Variants in SESTD1 observed in about 807,000 individuals in gnomAD.
SESTD1 encodes the protein SEC14 domain and spectrin repeat-containing protein 1.
Under a neutral mutation model 101.7 loss-of-function variants are expected in SESTD1, and 43 were observed. The ratio of observed to expected loss-of-function variants is 0.42; its 90% CI spans 0.33 to 0.55. The LOEUF is 0.55. Ranked by LOEUF, SESTD1 falls within the 20% of genes least tolerant of loss-of-function variation. The pLI, the probability that SESTD1 is intolerant of heterozygous loss-of-function variation, is 0.07. For synonymous variants in SESTD1, 283 were observed against 286.8 expected (o/e 0.99, Z 0.13); for missense variants, 647 against 815.1 (o/e 0.79, Z 2.51).
Position 179,226,680 on chromosome 2 carries a change from A to C in SESTD1, c.-25-34814T>G, listed in dbSNP as rs986485448. On this transcript the variant is annotated intron_variant, in intron 1 of 17. Transcript: ENST00000428443. ...ATTCCAAAGATTTTGGGCATGATGC[A>C]TATTAACACTAAAGAGCATACCCAA... Among the ~76,000 whole-genome samples, 3 of 152,338 alleles carry C rather than the reference A, an allele frequency of 2.0e-5. 1 individual carries two copies. In the South Asian group the frequency reaches 6.2e-4, roughly 32 times the overall value.
rs529646450 is a variant in SESTD1, at chr2:179,173,627, G to C, written c.256-1394C>G. 2.6e-5 allele frequency among the ~76,000 whole-genome samples: 4 copies of C among 152,278 alleles called. No individual in the cohort carries two copies. The South Asian group carries it at 8.3e-4, about 32-fold the overall frequency. Reference sequence around the variant, plus strand: ...AGTTAAAAAGTCATTGAGCTGAATAGAAACCACCTCTGTCTGACTCTAAAG... The same window carrying C: ...AGTTAAAAAGTCATTGAGCTGAATACAAACCACCTCTGTCTGACTCTAAAG... On this transcript the variant is annotated intron_variant, in intron 4 of 17. Coordinates refer to ENST00000428443, the MANE Select transcript of SESTD1 (RefSeq NM_178123.5).
At position 179,201,281 on chromosome 2, in the gene SESTD1, T is replaced by C. The variant is rs1490784272; in HGVS notation, c.-25-9415A>G. Among the ~76,000 whole-genome samples, 10 of 130,186 alleles carry C rather than the reference T, an allele frequency of 7.7e-5. 2 individuals carry two copies. In the East Asian group the frequency reaches 1.4e-3, roughly 18 times the overall value. 85.4% of individuals were successfully genotyped at this position (130,186 alleles called of 152,430 possible). The stretch of plus-strand genomic sequence containing the variant: ...TAAAAAGTCAGGAAACAACAGGTGC[T>C]GGAGAGGATGTGGAGAAATAGGAAC... On this transcript the variant is annotated intron_variant, in intron 1 of 17. Coordinates refer to ENST00000428443, the MANE Select transcript of SESTD1 (RefSeq NM_178123.5).
chr2:179,245,254 C>T (rs79691789), intron 1 of SESTD1, among the ~76,000 whole-genome samples: 7 of 152,104 alleles, frequency 4.6e-5, no homozygotes, highest in Admixed American at 1.3e-4. Flanking sequence ...CGTTGGCTCA[C>T]GCCTGTAATC....
chr2:179,224,054 ATAT>A (rs1200047976), intron 1 of SESTD1, among the ~76,000 whole-genome samples: 18 of 152,326 alleles, frequency 1.2e-4, no homozygotes, highest in African/African-American at 4.3e-4. Context: ...GATTAAAATG[ATAT>A]TATTTTGTAT....
intron 5 of SESTD1, among the ~76,000 whole-genome samples, chr2:179,155,632 G>C (rs549715495): frequency 6.6e-6 from 1 of 151,714 alleles, no homozygotes; most frequent in Non-Finnish European, 1.5e-5. Flanking sequence ...AAAACAAAAC[G>C]TAAGGATGGT....
At chr2:179,130,442 A>G (rs958784596) in intron 10 of SESTD1, among the ~76,000 whole-genome samples, 2 of 152,152 alleles carry the variant, frequency 1.3e-5, no homozygotes, top group Non-Finnish European at 2.9e-5. Context: ...TGAAAACCTT[A>G]TAAATATATT....
chr2:179,150,671 T>A (rs1406790314), intron 6 of SESTD1, among the ~76,000 whole-genome samples: 7 of 151,972 alleles, frequency 4.6e-5, no homozygotes, highest in African/African-American at 1.7e-4. Context: ...AATACAAAAA[T>A]TAGCTGGGCG....
intron 5 of SESTD1, among the ~76,000 whole-genome samples, chr2:179,158,464 A>G (rs1406703614): frequency 1.3e-5 from 2 of 152,208 alleles, no homozygotes; most frequent in African/African-American, 4.8e-5. Context: ...TAACAGTTAC[A>G]TACAACGGAA....
intron 1 of SESTD1, among the ~76,000 whole-genome samples, chr2:179,240,889 C>T (rs1020855115): frequency 1.3e-5 from 2 of 151,934 alleles, no homozygotes; most frequent in South Asian, 4.2e-4. Context: ...CCACAAGGGG[C>T]GCTGTTAGAA....
chr2:179,236,808 T>C (rs1264274375), intron 1 of SESTD1, among the ~76,000 whole-genome samples: 2 of 151,182 alleles, frequency 1.3e-5, no homozygotes, highest in Admixed American at 1.3e-4. Context: ...GAACACTTTG[T>C]GGTTCACAGG....
At chr2:179,120,454 A>G (rs1377386960) in intron 13 of SESTD1, among the ~76,000 whole-genome samples, 1 of 152,182 alleles carries the variant, frequency 6.6e-6, no homozygotes, top group Admixed American at 6.5e-5. Context: ...GGGAGAATAT[A>G]TAAAGAAGGG....
chr2:179,207,488 C>A (rs1453856036), intron 1 of SESTD1, among the ~76,000 whole-genome samples: 1 of 135,212 alleles, frequency 7.4e-6, no homozygotes. Flanking sequence ...ACCTTATTTA[C>A]TCCCCTGCCA....
chr2:179,101,805 T>C lies in SESTD1; in HGVS notation c.*8094A>G, dbSNP rs1364646923. 1.3e-5 allele frequency: 2 copies of C among 152,194 alleles called. No homozygotes were observed. Among genetic ancestry groups the C allele is most frequent in the African/African-American group, 4.8e-5 (2 of 41,456 alleles). 9.4% of individuals were successfully genotyped at this position (152,194 alleles called of 1,614,324 possible). A position where few individuals can be genotyped will look rare whatever the true frequency, so the allele number is the denominator to read the frequency against. ...ATCTAATGGAAAACCTAGAGATGGA[T>C]GGATACTCTAACATGTAAAGTAAAC... is the stretch of plus-strand genomic sequence containing the variant. On this transcript the variant is annotated 3_prime_UTR_variant, in exon 18 of 18. Coordinates refer to ENST00000428443, the MANE Select transcript of SESTD1 (RefSeq NM_178123.5).
chr2:179,254,141 T>C (rs1257579515), intron 1 of SESTD1, among the ~76,000 whole-genome samples: 2 of 151,710 alleles, frequency 1.3e-5, no homozygotes, highest in Non-Finnish European at 2.9e-5. Context: ...TTGAAACATA[T>C]TAATGTATTA....
rs998119764 is a variant in SESTD1 at position 179,205,330 on chromosome 2, G to A, written c.-25-13464C>T. ...AAACAGGAACATCTGGAATCCCTAC[G>A]ACAAGGCATAAGAAATGATAGATGC... is the stretch of plus-strand genomic sequence containing the variant. On this transcript the variant is annotated intron_variant, in intron 1 of 17. Coordinates refer to ENST00000428443, the MANE Select transcript of SESTD1 (RefSeq NM_178123.5). Among the ~76,000 whole-genome samples, 11 of 133,480 alleles carry A rather than the reference G, an allele frequency of 8.2e-5. 2 individuals are homozygous for A. Among genetic ancestry groups the A allele is most frequent in the East Asian group, 4.0e-4 (2 of 5,032 alleles). The allele number at this position is 133,480 out of a possible 152,430, so 87.6% of individuals were successfully genotyped here. A position where few individuals can be genotyped will look rare whatever the true frequency, so the allele number is the denominator to read the frequency against.
Position 179,196,460 on chromosome 2 carries a change from T to A in SESTD1, c.-25-4594A>T, listed in dbSNP as rs543455293. On this transcript the variant is annotated intron_variant, in intron 1 of 17. Transcript: ENST00000428443. ...CAAACTGGGTGGAGCCCACCACAGC[T>A]AAAGGAGGCCTGCTTGCCTCTGTAG... 2.1e-4 allele frequency among the ~76,000 whole-genome samples: 32 copies of A among 152,298 alleles called. 1 individual carries two copies. The East Asian group carries it at 5.4e-3, about 26-fold the overall frequency.
In SESTD1 at chr2:179,183,068, C is replaced by T. The variant is rs755431400; in HGVS notation, c.164+12G>A. On this transcript the variant is annotated intron_variant, in intron 3 of 17. Coordinates refer to ENST00000428443, the MANE Select transcript of SESTD1 (RefSeq NM_178123.5). Reference sequence around the variant, plus strand: ...CATACTGAGATTTAAGAAAAGACACCTTTAGAGTCACCTTGGAATGCTGAG... The same window carrying T: ...CATACTGAGATTTAAGAAAAGACACTTTTAGAGTCACCTTGGAATGCTGAG... 1.7e-5 allele frequency: 26 copies of T among 1,567,622 alleles called. No homozygotes were observed. Among genetic ancestry groups the T allele is most frequent in the Non-Finnish European group, 1.7e-5 (20 of 1,151,650 alleles).
chr2:179,136,804 T>G (rs766982271), intron 9 of SESTD1, among the ~76,000 whole-genome samples: 7 of 152,124 alleles, frequency 4.6e-5, no homozygotes, highest in African/African-American at 1.2e-4. Flanking sequence ...CATGGAACTT[T>G]TAAAATGCTG....
At chr2:179,258,954 T>C (rs1186953799) in intron 1 of SESTD1, among the ~76,000 whole-genome samples, 1 of 152,206 alleles carries the variant, frequency 6.6e-6, no homozygotes, top group East Asian at 1.9e-4. Flanking sequence ...CTTAGTTCAT[T>C]CATACACTTA....
Sources: gnomAD v4.1 joint callset for allele counts (sites outside exome capture counted in the v4.1 genomes callset) on GRCh38, gnomAD v4.1.1 for gene constraint, MANE v1.5 for transcripts, NCBI Gene and HGNC (gene_info 2026-07-23, HGNC 2026-07-21) for gene names.